Variants in ARHGAP22 observed in about 807,000 individuals in gnomAD.
ARHGAP22 encodes rho GTPase-activating protein 22.
In ARHGAP22, 48 loss-of-function variants were observed where a neutral mutation model predicts 59.1. That is an observed-to-expected ratio of 0.81 (90% CI 0.64 to 1.03). The LOEUF is 1.03. Among genes scored for constraint, ARHGAP22 ranks in the 50% least tolerant of loss-of-function variants. The pLI is 0.00. For synonymous variants in ARHGAP22, 445 were observed against 416.4 expected, an observed-to-expected ratio of 1.07 and a Z score of -0.84; for missense variants, 1,015 against 958.7, an observed-to-expected ratio of 1.06 and a Z score of -0.78.
chr10:48,433,116 T>C, the ARHGAP22 span, among the ~76,000 whole-genome samples: 146,758 of 152,300 alleles, frequency 0.96, 70,891 homozygotes, highest in East Asian at 1. Context: ...GAATGACCCA[T>C]GTGAGACTAA....
At chr10:48,513,581 G>C (rs893748702) in intron 3 of ARHGAP22, among the ~76,000 whole-genome samples, 1 of 152,194 alleles carries the variant, frequency 6.6e-6, no homozygotes, top group African/African-American at 2.4e-5. Flanking sequence ...CTAACCAAGA[G>C]ACTTGGGTGA....
At chr10:48,606,181 C>A (rs2060664952), upstream of ARHGAP22, among the ~76,000 whole-genome samples, 1 of 152,190 alleles carries the variant, frequency 6.6e-6, no homozygotes, top group Non-Finnish European at 1.5e-5. Flanking sequence ...CCATCTGACC[C>A]TCCACACTCC....
chr10:48,574,324 A>T (rs2058578336), intron 2 of ARHGAP22, among the ~76,000 whole-genome samples: 1 of 152,250 alleles, frequency 6.6e-6, no homozygotes, highest in South Asian at 2.1e-4. Flanking sequence ...TGATAGGAAA[A>T]GAGAAATAAT....
At chr10:48,637,526 T>A (rs893631104) in intron 1 of ARHGAP22, among the ~76,000 whole-genome samples, 4 of 151,604 alleles carry the variant, frequency 2.6e-5, no homozygotes, top group African/African-American at 9.7e-5. Context: ...GATGAATGAC[T>A]GGTGGATGTA....
intron 1 of ARHGAP22, among the ~76,000 whole-genome samples, chr10:48,650,027 G>GGA (rs939578720): frequency 2.0e-4 from 30 of 148,882 alleles, no homozygotes; most frequent in East Asian, 5.9e-4. Context: ...AGAGAGAGAG[G>GGA]GAGAGAGAGA....
In ARHGAP22 at chr10:48,624,618, C is replaced by T. The variant is rs575542097; in HGVS notation, c.52+27616G>A. The stretch of plus-strand genomic sequence containing the variant: ...CTTTCCTTCAATACATCTGTTTTCT[C>T]TTTTGGAAATTGCAGGCATTGGATT... On this transcript the variant is annotated intron_variant, in intron 1 of 9. Coordinates refer to the ARHGAP22 transcript ENST00000435790. 4.6e-5 allele frequency among the ~76,000 whole-genome samples: 7 copies of T among 152,308 alleles called. No homozygotes were observed. In the South Asian group the frequency reaches 1.2e-3, roughly 27 times the overall value.
the ARHGAP22 span, among the ~76,000 whole-genome samples, chr10:48,433,307 A>G: frequency 6.6e-6 from 1 of 152,218 alleles, no homozygotes; most frequent in Admixed American, 6.5e-5. Context: ...ACCCTGAACT[A>G]GAGGCATATA....
chr10:48,465,016 C>G (rs1161365579), intron 4 of ARHGAP22, among the ~76,000 whole-genome samples: 1 of 152,138 alleles, frequency 6.6e-6, no homozygotes, highest in Non-Finnish European at 1.5e-5. Context: ...CTTCTGGGCC[C>G]GGCCTCCCTT....
chr10:48,527,637 A>G (rs978350104), intron 3 of ARHGAP22, among the ~76,000 whole-genome samples: 23 of 152,218 alleles, frequency 1.5e-4, no homozygotes, highest in Admixed American at 5.2e-4. Context: ...TTCCCTAGTT[A>G]GGCCTAAAGT....
chr10:48,473,540 A>AGCGCTG, intron 4 of ARHGAP22, among the ~76,000 whole-genome samples: 1 of 74,418 alleles, frequency 1.3e-5, no homozygotes, highest in Admixed American at 1.2e-4. Context: ...GTACTCAGAG[A>AGCGCTG]ACGCTGAGGA....
intron 2 of ARHGAP22, 70 bp from the exon 3 acceptor site, chr10:48,555,620 C>CCTGG: frequency 1.3e-6 from 2 of 1,516,768 alleles, no homozygotes; most frequent in Non-Finnish European, 1.8e-6. Context: ...CGTCAGGGTC[C>CCTGG]CTGGAGAGGA....
chr10:48,546,795 G>T (rs865876891), intron 3 of ARHGAP22: 5 of 152,306 alleles, frequency 3.3e-5, no homozygotes, highest in African/African-American at 1.2e-4. Context: ...ATGGGATTGG[G>T]TTGCTGTTAT....
In ARHGAP22 at chr10:48,532,000, G is replaced by T. The variant is rs73298251; in HGVS notation, c.322+23463C>A. Among the ~76,000 whole-genome samples, 120 of 152,340 alleles carry T rather than the reference G, an allele frequency of 7.9e-4. 1 individual carries two copies. The highest frequency in any genetic ancestry group is 2.7e-3 in the African/African-American group (114 of 41,564). Reference sequence around the variant, plus strand: ...CCAGCCCTGGCCTCTGGTAGAGGGAGCTTGTTGAAGAAGGGCGTGATGTAG... The same window carrying T: ...CCAGCCCTGGCCTCTGGTAGAGGGATCTTGTTGAAGAAGGGCGTGATGTAG... On this transcript the variant is annotated intron_variant, in intron 3 of 9. Coordinates refer to ENST00000249601, the MANE Select transcript of ARHGAP22 (RefSeq NM_021226.4).
intron 9 of ARHGAP22, among the ~76,000 whole-genome samples, chr10:48,447,751 C>T (rs2045506178): frequency 6.6e-6 from 1 of 152,204 alleles, no homozygotes; most frequent in African/African-American, 2.4e-5. Context: ...AGGGTCCTGA[C>T]CCTCATCTCC....
At chr10:48,524,010 C>T in intron 3 of ARHGAP22, 2 of 1,439,900 alleles carry the variant, frequency 1.4e-6, no homozygotes, top group South Asian at 1.4e-5. Context: ...CAGCCTCTGG[C>T]GGCGGCCGCA....
At chr10:48,605,099 C>A, upstream of ARHGAP22, 1 of 1,295,634 alleles carries the variant, frequency 7.7e-7, no homozygotes, top group South Asian at 1.9e-5. Context: ...AGTCCCTCCG[C>A]CTGGCCTGGG....
At chr10:48,577,590 C>A (rs1203761641) in intron 2 of ARHGAP22, among the ~76,000 whole-genome samples, 1 of 152,130 alleles carries the variant, frequency 6.6e-6, no homozygotes, top group African/African-American at 2.4e-5. Context: ...GAGACTGGGG[C>A]CTAAGGAACT....
upstream of ARHGAP22, among the ~76,000 whole-genome samples, chr10:48,609,145 G>A (rs2060785635): frequency 6.6e-6 from 1 of 152,170 alleles, no homozygotes; most frequent in African/African-American, 2.4e-5. Context: ...TTAAGCATTT[G>A]TCAGCACACC....
chr10:48,572,038 G>C (rs1030548752), intron 2 of ARHGAP22, among the ~76,000 whole-genome samples: 5 of 152,134 alleles, frequency 3.3e-5, no homozygotes, highest in Non-Finnish European at 5.9e-5. Flanking sequence ...CTGAGTTCCT[G>C]GCTGTGATAG....
Sources: allele counts gnomAD v4.1 joint callset (sites outside exome capture counted in the v4.1 genomes callset), GRCh38; gene constraint gnomAD v4.1.1; transcripts MANE v1.5; gene names NCBI Gene and HGNC (gene_info 2026-07-23, HGNC 2026-07-21).